Variants in TNNI3K observed in about 807,000 individuals in gnomAD.
TNNI3K encodes the protein serine/threonine-protein kinase TNNI3K.
Under a neutral mutation model 114.5 loss-of-function variants are expected in TNNI3K, and 140 were observed. That is an observed-to-expected ratio of 1.22 (90% CI 1.07 to 1.41). The LOEUF is 1.41. Among genes scored for constraint, TNNI3K ranks in the 40% most tolerant of loss-of-function variants. The pLI is 0.00. For synonymous variants in TNNI3K, 347 were observed against 347.5 expected, an observed-to-expected ratio of 1.00 and a Z score of 0.02; for missense variants, 1,125 against 1,007.6, an observed-to-expected ratio of 1.12 and a Z score of -1.58.
chr1:74,407,812 A>G (rs1664689931), intron 17 of TNNI3K, among the ~76,000 whole-genome samples: 1 of 152,140 alleles, frequency 6.6e-6, no homozygotes, highest in Non-Finnish European at 1.5e-5. Flanking sequence ...TCTTCTACAA[A>G]GTGATGTAAG....
chr1:74,534,546 A>T (rs1378388945), intron 23 of TNNI3K, among the ~76,000 whole-genome samples: 1 of 152,162 alleles, frequency 6.6e-6, no homozygotes, highest in Non-Finnish European at 1.5e-5. Context: ...TGGATTCATT[A>T]TGACACTGCC....
intron 6 of TNNI3K, 104 bp from the exon 7 acceptor site, chr1:74,335,907 A>G: frequency 5.5e-6 from 7 of 1,283,660 alleles, no homozygotes; most frequent in Non-Finnish European, 7.3e-6. Context: ...GTGATATAAC[A>G]ATAAATTTTT....
At chr1:74,334,669 C>T (rs1345665949) in intron 6 of TNNI3K, among the ~76,000 whole-genome samples, 1 of 152,162 alleles carries the variant, frequency 6.6e-6, no homozygotes, top group African/African-American at 2.4e-5. Context: ...CCCTCTCTGA[C>T]CCTATGGATG....
In TNNI3K at chr1:74,290,661, T is replaced by A. The variant is rs546313630; in HGVS notation, c.444+18953T>A. Among the ~76,000 whole-genome samples the A allele has an allele frequency of 2.6e-5, 4 of 151,946 alleles. No individual in the cohort carries two copies. The South Asian group carries it at 8.3e-4, about 31-fold the overall frequency. On this transcript the variant is annotated intron_variant, in intron 5 of 24. Transcript: ENST00000326637. ...ACACATATAAAGACTTTGTGAAACA[T>A]GTATAATGTTATTTAAGCTTTGTTG...
rs763026759 is a variant in TNNI3K at position 74,301,820 on chromosome 1, T to A, written c.445-29630T>A. On this transcript the variant is annotated intron_variant, in intron 5 of 24. Transcript: ENST00000326637. ...ACTTGCTTTTCCATGCTATTTCTCC[T>A]GTGGTTGACTAGAATAAAACTATCT... Among the ~76,000 whole-genome samples, 256 of 152,294 alleles carry A rather than the reference T, an allele frequency of 1.7e-3. 1 individual carries two copies. Among genetic ancestry groups the A allele is most frequent in the Non-Finnish European group, 3.2e-3 (216 of 68,022 alleles).
chr1:74,501,324 A>AT (rs1293502252), intron 23 of TNNI3K, among the ~76,000 whole-genome samples: 1 of 152,142 alleles, frequency 6.6e-6, no homozygotes, highest in Non-Finnish European at 1.5e-5. Context: ...TAGAAGTTGC[A>AT]TGTCATTTAC....
intron 23 of TNNI3K, among the ~76,000 whole-genome samples, chr1:74,507,201 TGA>T (rs747792413): frequency 1.1e-4 from 17 of 150,056 alleles, no homozygotes; most frequent in Non-Finnish European, 2.1e-4. Context: ...TCACACATGA[TGA>T]GCAGTTTTTA....
At chr1:74,531,858 TG>T (rs1213589587) in intron 23 of TNNI3K, among the ~76,000 whole-genome samples, 1 of 152,208 alleles carries the variant, frequency 6.6e-6, no homozygotes, top group Non-Finnish European at 1.5e-5. Flanking sequence ...TAGGTAACAT[TG>T]TTATGACAGA....
chr1:74,284,847 C>A (rs570905460), intron 5 of TNNI3K, among the ~76,000 whole-genome samples: 7 of 152,360 alleles, frequency 4.6e-5, no homozygotes, highest in Admixed American at 4.6e-4. Context: ...GGGCTAACTC[C>A]TTCAGCTCTG....
intron 5 of TNNI3K, among the ~76,000 whole-genome samples, chr1:74,313,056 G>T (rs1016190554): frequency 2.0e-5 from 3 of 152,284 alleles, no homozygotes; most frequent in African/African-American, 7.2e-5. Context: ...ATGAAATTGA[G>T]AATGGCTCAC....
chr1:74,510,983 G>A (rs572656998), intron 23 of TNNI3K, among the ~76,000 whole-genome samples: 10 of 152,224 alleles, frequency 6.6e-5, no homozygotes, highest in Non-Finnish European at 1.3e-4. Context: ...TGCCTCCCAG[G>A]TTCAAGTGAT....
At chr1:74,245,796 G>C (rs546414066) in intron 2 of TNNI3K, among the ~76,000 whole-genome samples, 13 of 152,280 alleles carry the variant, frequency 8.5e-5, no homozygotes, top group African/African-American at 2.6e-4. Context: ...GGCAAGCCTT[G>C]TGGTTTATTT....
At position 74,331,568 on chromosome 1, in the gene TNNI3K, T is replaced by A; in HGVS notation, c.543+20T>A. Reference sequence around the variant, plus strand: ...GAACAGGTAAGTCTGACAGTAGGATTTCCAAAGGTTAGGTGTTGCTTAAGT... The same window carrying A: ...GAACAGGTAAGTCTGACAGTAGGATATCCAAAGGTTAGGTGTTGCTTAAGT... On this transcript the variant is annotated intron_variant, in intron 6 of 24. Transcript: ENST00000326637. 1 of 1,603,176 alleles carries A rather than the reference T, an allele frequency of 6.2e-7. No homozygotes were observed. Among genetic ancestry groups the A allele is most frequent in the Non-Finnish European group, 8.5e-7 (1 of 1,172,704 alleles).
At chr1:74,241,964 C>T (rs1444541868) in intron 2 of TNNI3K, among the ~76,000 whole-genome samples, 1 of 151,742 alleles carries the variant, frequency 6.6e-6, no homozygotes, top group Non-Finnish European at 1.5e-5. Context: ...ATTCTCCTGC[C>T]TCAGCCTCCC....
chr1:74,333,781 C>T (rs1490406335), intron 6 of TNNI3K, among the ~76,000 whole-genome samples: 1 of 152,120 alleles, frequency 6.6e-6, no homozygotes. Flanking sequence ...GCACCAAGAG[C>T]AATATTTCCT....
intron 20 of TNNI3K, among the ~76,000 whole-genome samples, chr1:74,447,394 A>G (rs1210816296): frequency 2.7e-5 from 4 of 149,586 alleles, no homozygotes; most frequent in African/African-American, 1.0e-4. Context: ...ATCTACAATG[A>G]ACTCAAACAA....
chr1:74,357,783 C>G (rs1007345111), intron 11 of TNNI3K, among the ~76,000 whole-genome samples: 2 of 152,096 alleles, frequency 1.3e-5, no homozygotes, highest in Admixed American at 6.6e-5. Flanking sequence ...CATCTCTCCC[C>G]TTCTTCGTTT....
chr1:74,464,883 G>A, intron 21 of TNNI3K: 1 of 1,308,420 alleles, frequency 7.6e-7, no homozygotes. Context: ...TCTAAAGCTG[G>A]ATGCTTAAGA....
chr1:74,429,112 G>C (rs1344597519), intron 17 of TNNI3K, among the ~76,000 whole-genome samples: 1 of 152,068 alleles, frequency 6.6e-6, no homozygotes, highest in African/African-American at 2.4e-5. Context: ...TGAATAAGGA[G>C]CTAATCTCCC....
Sources: gnomAD v4.1 joint callset for allele counts (sites outside exome capture counted in the v4.1 genomes callset) on GRCh38, gnomAD v4.1.1 for gene constraint, MANE v1.5 for transcripts, NCBI Gene and HGNC (gene_info 2026-07-23, HGNC 2026-07-21) for gene names.